Variants in UNC13C observed in about 807,000 individuals in gnomAD.
UNC13C encodes the protein protein unc-13 homolog C.
Under a neutral mutation model 245.4 loss-of-function variants are expected in UNC13C, and 174 were observed. That is an observed-to-expected ratio of 0.71 (90% CI 0.63 to 0.80). The LOEUF is 0.80. UNC13C is among the 30% of genes least tolerant of loss of function. The pLI, the probability that UNC13C is intolerant of heterozygous loss-of-function variation, is 0.00. For missense variants in UNC13C, 2,829 were observed against 2,602.9 expected, an observed-to-expected ratio of 1.09 and a Z score of -1.89; for synonymous variants, 992 against 895.1, an observed-to-expected ratio of 1.11 and a Z score of -1.93.
At chr15:54,553,052 A>C (rs867501825) in intron 28 of UNC13C, among the ~76,000 whole-genome samples, 1 of 38,536 alleles carries the variant, frequency 2.6e-5, no homozygotes, top group Non-Finnish European at 4.7e-5. Flanking sequence ...ATTGTATTCT[A>C]TATTACAATA....
In UNC13C at chr15:54,203,995, A is replaced by G. The variant is rs545750032; in HGVS notation, c.3072-31035A>G. Among the ~76,000 whole-genome samples, 202 of 151,770 alleles carry G rather than the reference A, an allele frequency of 1.3e-3. 1 individual carries two copies. Among genetic ancestry groups the G allele is most frequent in the African/African-American group, 4.7e-3 (196 of 41,476 alleles). On this transcript the variant is annotated intron_variant, in intron 4 of 32. Transcript: ENST00000260323. ...AAGGAACAAAATAATGGCATTTGCA[A>G]CAACCTGGTTGGAATTGGAGACTAT...
intron 30 of UNC13C, among the ~76,000 whole-genome samples, chr15:54,582,134 GTT>G (rs1898230020): frequency 6.6e-6 from 1 of 152,116 alleles, no homozygotes; most frequent in Admixed American, 6.5e-5. Flanking sequence ...TTGGAAAACA[GTT>G]TCATAGTTCA....
chr15:54,054,289 G>A (rs536278459), intron 2 of UNC13C, among the ~76,000 whole-genome samples: 1 of 152,230 alleles, frequency 6.6e-6, no homozygotes, highest in East Asian at 1.9e-4. Flanking sequence ...AGATGGTTCT[G>A]TATTAGTATC....
chr15:53,861,351 T>A, the UNC13C span, among the ~76,000 whole-genome samples: 1 of 152,330 alleles, frequency 6.6e-6, no homozygotes, highest in Non-Finnish European at 1.5e-5. Context: ...GGAAACTTTA[T>A]CACTTGCTTT....
chr15:54,488,373 G>A (rs1290373419), intron 19 of UNC13C, among the ~76,000 whole-genome samples: 1 of 152,114 alleles, frequency 6.6e-6, no homozygotes, highest in Non-Finnish European at 1.5e-5. Flanking sequence ...ATTAGAGCTA[G>A]AGCAGTCTGC....
At chr15:54,446,657 C>T (rs1316189345) in intron 19 of UNC13C, among the ~76,000 whole-genome samples, 1 of 152,294 alleles carries the variant, frequency 6.6e-6, no homozygotes, top group East Asian at 1.9e-4. Context: ...TGAGACTTTG[C>T]TGAAGTTGCT....
chr15:54,266,228 G>A (rs1247899932), intron 10 of UNC13C, among the ~76,000 whole-genome samples: 1 of 151,832 alleles, frequency 6.6e-6, no homozygotes, highest in Non-Finnish European at 1.5e-5. Context: ...TGGGAATGTG[G>A]GCAATATTGT....
chr15:54,151,264 A>G (rs1330164268), intron 4 of UNC13C, among the ~76,000 whole-genome samples: 1 of 19,528 alleles, frequency 5.1e-5, no homozygotes, highest in African/African-American at 5.9e-5. Flanking sequence ...TAGGAGGCTG[A>G]CCATAAAAAA....
chr15:54,258,368 AT>A (rs2036334961), intron 8 of UNC13C, among the ~76,000 whole-genome samples: 1 of 151,978 alleles, frequency 6.6e-6, no homozygotes, highest in South Asian at 2.1e-4. Context: ...ATGTGAAATT[AT>A]TATTATTTTT....
At chr15:54,549,832 T>G in intron 28 of UNC13C, 141 bp downstream of exon 28, 1 of 582,064 alleles carries the variant, frequency 1.7e-6, no homozygotes, top group Admixed American at 3.3e-5. Context: ...GCTTTAGGAA[T>G]TTTTAACTTT....
chr15:54,065,836 C>T (rs1425924779), intron 2 of UNC13C, among the ~76,000 whole-genome samples: 2 of 152,202 alleles, frequency 1.3e-5, no homozygotes, highest in South Asian at 4.1e-4. Flanking sequence ...AACCTACTCT[C>T]TGCTATCCTC....
intron 2 of UNC13C, among the ~76,000 whole-genome samples, chr15:54,051,965 T>C (rs1230558371): frequency 7.7e-6 from 1 of 129,388 alleles, no homozygotes; most frequent in Non-Finnish European, 1.6e-5. Flanking sequence ...CCTGTGTCCA[T>C]GTGATCTCAT....
At chr15:54,397,682 T>C (rs1217553293) in intron 18 of UNC13C, among the ~76,000 whole-genome samples, 1 of 151,412 alleles carries the variant, frequency 6.6e-6, no homozygotes. Flanking sequence ...CATTAAGGTC[T>C]TATTTAATTT....
At chr15:54,143,498 G>A (rs1022782464) in intron 3 of UNC13C, 122 bp from the exon 4 acceptor site, 4 of 679,900 alleles carry the variant, frequency 5.9e-6, no homozygotes, top group African/African-American at 3.6e-5. Context: ...ACCCTGCTTA[G>A]CATCTGTCAT....
chr15:53,998,434 G>C (rs1485736655), intron 1 of UNC13C, among the ~76,000 whole-genome samples: 1 of 151,974 alleles, frequency 6.6e-6, no homozygotes, highest in East Asian at 1.9e-4. Flanking sequence ...TTTACTGCTA[G>C]TAGTGAGAAA....
chr15:54,491,847 G>A (rs1437786472), intron 19 of UNC13C, among the ~76,000 whole-genome samples: 2 of 152,072 alleles, frequency 1.3e-5, no homozygotes, highest in East Asian at 1.9e-4. Context: ...AAAATTAGCC[G>A]GGCGTGGTAG....
At chr15:54,166,448 G>A (rs1246040706) in intron 4 of UNC13C, among the ~76,000 whole-genome samples, 5 of 147,724 alleles carry the variant, frequency 3.4e-5, no homozygotes, top group Admixed American at 6.9e-5. Flanking sequence ...ATTGTGTTTA[G>A]TTATTTCTGA....
intron 4 of UNC13C, among the ~76,000 whole-genome samples, chr15:54,221,346 A>G (rs1373376186): frequency 6.6e-6 from 1 of 152,072 alleles, no homozygotes; most frequent in African/African-American, 2.4e-5. Context: ...GTGAATCACC[A>G]ATTGTACAAA....
intron 14 of UNC13C, among the ~76,000 whole-genome samples, chr15:54,326,388 A>C (rs972238644): frequency 1.3e-5 from 2 of 152,114 alleles, no homozygotes; most frequent in African/African-American, 4.8e-5. Flanking sequence ...GTTGGGCACT[A>C]TAAATGTGTT....
Sources: gnomAD v4.1 joint callset for allele counts (sites outside exome capture counted in the v4.1 genomes callset) on GRCh38, gnomAD v4.1.1 for gene constraint, MANE v1.5 for transcripts, NCBI Gene and HGNC (gene_info 2026-07-23, HGNC 2026-07-21) for gene names.